The following FOXO3 variants were observed in gnomAD, a reference collection of about 807,000 sequenced individuals.
FOXO3 encodes forkhead box protein O3.
FOXO3 carries 4 observed loss-of-function variants against 41.9 expected under a neutral mutation model. The ratio of observed to expected loss-of-function variants is 0.10; its 90% CI spans 0.05 to 0.22. The LOEUF is 0.22. Ranked by LOEUF, FOXO3 falls within the 10% of genes least tolerant of loss-of-function variation. FOXO3 has a pLI of 1.00. For synonymous variants in FOXO3, 318 were observed against 389.3 expected, an observed-to-expected ratio of 0.82 and a Z score of 2.16; for missense variants, 534 against 906.8, an observed-to-expected ratio of 0.59 and a Z score of 5.28.
At chr6:108,586,184 G>T (rs1296843209) in intron 1 of FOXO3, among the ~76,000 whole-genome samples, 3 of 152,156 alleles carry the variant, frequency 2.0e-5, no homozygotes, top group Admixed American at 2.0e-4. Context: ...GAGGGTGAAG[G>T]ACAACATAGT....
At chr6:108,585,174 T>TCTA (rs1475884025) in intron 1 of FOXO3, among the ~76,000 whole-genome samples, 2 of 152,076 alleles carry the variant, frequency 1.3e-5, no homozygotes, top group Non-Finnish European at 2.9e-5. Flanking sequence ...CCCGAGTAGC[T>TCTA]GGGACTACAG....
In FOXO3 at chr6:108,664,059, A is replaced by G. The variant is rs761888480; in HGVS notation, c.1226A>G (p.Gln409Arg). 1.9e-6 allele frequency: 3 copies of G among 1,614,058 alleles called. No homozygotes were observed. The African/African-American group carries it at 4.0e-5, about 22-fold the overall frequency. ...CCATCGCCCACTGGGGGACTCATGC[A>G]GCGGAGCTCTAGCTTCCCGTATACC... is the stretch of plus-strand genomic sequence containing the variant. ...SQPSPTGGLM[Q>R]RSSSFPYTTK... is the part of the protein sequence containing the mutation. The change falls in exon 2 of 3, where the codon CAG (glutamine) becomes CGG (arginine). Residue 409 changes from glutamine to arginine, a missense_variant. Gln to Arg is a conservative substitution (Grantham distance 43). Around this residue, in one of 8 missense-constraint regions of FOXO3, gnomAD observed 185 missense variants for 224.9 expected, o/e 0.82. Coordinates refer to ENST00000406360, the MANE Select transcript of FOXO3 (RefSeq NM_001455.4).
chr6:108,684,091 A>T lies in FOXO3; in HGVS notation c.*4299A>T, dbSNP rs1253387180. The T allele has an allele frequency of 3.3e-5, 5 of 152,582 alleles. No individual in the cohort carries two copies. The highest frequency in any genetic ancestry group is 7.4e-5 in the Non-Finnish European group (5 of 68,022). 9.5% of individuals were successfully genotyped at this position (152,582 alleles called of 1,614,324 possible). A position where few individuals can be genotyped will look rare whatever the true frequency, so the allele number is the denominator to read the frequency against. ...ATTTTTCTTTGATGAATGATTGGTCATGAGGCCTCTTGCCACACTCCAGAA... is the reference window on the plus strand; with the variant it reads ...ATTTTTCTTTGATGAATGATTGGTCTTGAGGCCTCTTGCCACACTCCAGAA... On this transcript the variant is annotated 3_prime_UTR_variant, in exon 3 of 3. Transcript: ENST00000406360.
intron 1 of FOXO3, among the ~76,000 whole-genome samples, chr6:108,599,221 C>T (rs529778059): frequency 3.0e-4 from 45 of 152,164 alleles, no homozygotes; most frequent in Admixed American, 5.9e-4. Context: ...AAAAACATAA[C>T]CTTTTTATTG....
chr6:108,562,532 C>A (rs1461202342), intron 1 of FOXO3, among the ~76,000 whole-genome samples: 1 of 152,162 alleles, frequency 6.6e-6, no homozygotes, highest in Admixed American at 6.5e-5. Context: ...GGTCTGGCCA[C>A]CTCAATCCAG....
At chr6:108,576,738 G>T (rs1434615744) in intron 1 of FOXO3, among the ~76,000 whole-genome samples, 1 of 152,208 alleles carries the variant, frequency 6.6e-6, no homozygotes, top group African/African-American at 2.4e-5. Context: ...TTGCCCTGTT[G>T]ATGTGAGCAG....
intron 2 of FOXO3, among the ~76,000 whole-genome samples, chr6:108,671,131 A>T (rs1582837311): frequency 6.6e-6 from 1 of 152,128 alleles, no homozygotes; most frequent in Non-Finnish European, 1.5e-5. Context: ...TTTCTGGGAC[A>T]CCCCTGCATT....
chr6:108,597,851 G>A (rs1776929652), intron 1 of FOXO3, among the ~76,000 whole-genome samples: 1 of 152,160 alleles, frequency 6.6e-6, no homozygotes, highest in Non-Finnish European at 1.5e-5. Context: ...CTCTTGAGAT[G>A]TATCACAGAG....
chr6:108,621,993 A>G (rs1446799391), intron 1 of FOXO3, among the ~76,000 whole-genome samples: 2 of 152,080 alleles, frequency 1.3e-5, no homozygotes, highest in Non-Finnish European at 2.9e-5. Flanking sequence ...TGGCTTACCT[A>G]GTAATCCCAG....
chr6:108,653,667 A>G (rs1484313891), intron 1 of FOXO3, among the ~76,000 whole-genome samples: 5 of 152,136 alleles, frequency 3.3e-5, no homozygotes. Context: ...GTCATATGTC[A>G]TGAAAGTGAT....
intron 1 of FOXO3, among the ~76,000 whole-genome samples, chr6:108,602,426 G>T (rs896651354): frequency 6.6e-6 from 1 of 151,982 alleles, no homozygotes; most frequent in African/African-American, 2.4e-5. Flanking sequence ...AATCCCACTT[G>T]GCCTAAGAAG....
chr6:108,624,310 G>GT (rs1222959377), intron 1 of FOXO3, among the ~76,000 whole-genome samples: 1 of 149,122 alleles, frequency 6.7e-6, no homozygotes, highest in Admixed American at 6.7e-5. Flanking sequence ...TAGAATAATG[G>GT]TTAAAAAAAA....
chr6:108,643,093 A>G (rs1337550392), intron 1 of FOXO3, among the ~76,000 whole-genome samples: 1 of 152,236 alleles, frequency 6.6e-6, no homozygotes. Context: ...ATCCAAAGAG[A>G]CTAAATCATA....
At chr6:108,622,390 G>A (rs1238215691) in intron 1 of FOXO3, among the ~76,000 whole-genome samples, 1 of 152,114 alleles carries the variant, frequency 6.6e-6, no homozygotes, top group Non-Finnish European at 1.5e-5. Context: ...GGTGGGCAGG[G>A]AGAGAGAAGG....
intron 1 of FOXO3, among the ~76,000 whole-genome samples, chr6:108,650,889 A>T (rs934859778): frequency 2.0e-5 from 3 of 152,094 alleles, no homozygotes; most frequent in African/African-American, 7.2e-5. Flanking sequence ...AGCACCCAGG[A>T]GTGTCGTGGA....
chr6:108,624,488 T>C (rs1016148972), intron 1 of FOXO3, among the ~76,000 whole-genome samples: 1 of 152,130 alleles, frequency 6.6e-6, no homozygotes, highest in African/African-American at 2.4e-5. Context: ...AAGAAAGCTA[T>C]GGGCCCAGCT....
rs371115770 is a variant in FOXO3 at position 108,580,793 on chromosome 6, TAGAA to T, written c.621+18969_621+18972del. 2.1e-3 allele frequency among the ~76,000 whole-genome samples: 324 copies of T among 152,332 alleles called. 2 individuals carry two copies. Among genetic ancestry groups the T allele is most frequent in the Non-Finnish European group, 3.8e-3 (258 of 68,024 alleles). ...GTAGCTGTCATTGTTTGAGAACCCA[TAGAA>T]AGAACAGAGTTGAGTGTTAGGTTGT... On this transcript the variant is annotated intron_variant, in intron 1 of 2. Coordinates refer to ENST00000406360, the MANE Select transcript of FOXO3 (RefSeq NM_001455.4).
At chr6:108,588,720 C>G (rs1776654166) in intron 1 of FOXO3, among the ~76,000 whole-genome samples, 1 of 152,128 alleles carries the variant, frequency 6.6e-6, no homozygotes, top group East Asian at 1.9e-4. Context: ...GCTGGGCCTC[C>G]TAGAATATAG....
At position 108,582,697 on chromosome 6, in the gene FOXO3, CTT is replaced by C. The variant is rs1776453432; in HGVS notation, c.621+20869_621+20870del. Among the ~76,000 whole-genome samples the C allele has an allele frequency of 2.0e-5, 3 of 151,386 alleles. No individual in the cohort carries two copies. In the South Asian group the frequency reaches 6.2e-4, roughly 31 times the overall value. On this transcript the variant is annotated intron_variant, in intron 1 of 2. Coordinates refer to ENST00000406360, the MANE Select transcript of FOXO3 (RefSeq NM_001455.4). ...AGGGCAGACTTTGAGTATTTTTTCT[CTT>C]GTTTTTGAGTGTGTAGCTGTATATT...
Sources: gnomAD v4.1 joint callset for allele counts (sites outside exome capture counted in the v4.1 genomes callset) on GRCh38, gnomAD v4.1.1 for gene constraint, gnomAD v4.1.1 regional missense constraint, MANE v1.5 for transcripts, NCBI Gene and HGNC (gene_info 2026-07-23, HGNC 2026-07-21) for gene names.